CRTC3: variants seen among roughly 807,000 people sequenced by gnomAD.
The protein encoded by CRTC3 is CREB regulated transcription coactivator 3.
CRTC3 carries 26 observed loss-of-function variants against 74.5 expected under a neutral mutation model. The observed-to-expected ratio is 0.35, with a 90% CI of 0.26 to 0.48. The LOEUF is 0.48. Ranked by LOEUF, CRTC3 falls within the 20% of genes least tolerant of loss-of-function variation. The pLI is 0.99. For missense variants in CRTC3, 760 were observed against 787.3 expected (o/e 0.97, Z 0.41); for synonymous variants, 377 against 325.8 (o/e 1.16, Z -1.69).
At position 90,530,139 on chromosome 15, in the gene CRTC3, C is replaced by G; in HGVS notation, c.68C>G (p.Thr23Arg). 1 of 1,455,580 alleles carries G rather than the reference C, an allele frequency of 6.9e-7. No homozygotes were observed. Among genetic ancestry groups the G allele is most frequent in the Non-Finnish European group, 9.2e-7 (1 of 1,088,840 alleles). 90.2% of individuals were successfully genotyped at this position (1,455,580 alleles called of 1,614,324 possible). ...RKFSEKIALH[T>R]QRQAEETRAF... ...TTCAGTGAGAAGATCGCGCTGCACACGCAGAGACAGGCCGAGGAGACGCGG... is the reference window on the plus strand; with the variant it reads ...TTCAGTGAGAAGATCGCGCTGCACAGGCAGAGACAGGCCGAGGAGACGCGG... The change falls in exon 1 of 15, where the codon ACG becomes AGG. Residue 23 changes from threonine to arginine, a missense_variant. Thr to Arg is a moderately conservative substitution (Grantham distance 71). This residue lies in a region of CRTC3 where 108 missense variants were observed against 152.1 expected (regional missense o/e 0.71). Coordinates refer to ENST00000268184, the MANE Select transcript of CRTC3 (RefSeq NM_022769.5). This position sits in a 1 kb window ranked among gnomAD's most constrained non-coding sequence, Gnocchi z 6.2.
intron 6 of CRTC3, among the ~76,000 whole-genome samples, chr15:90,611,280 G>T (rs902873534): frequency 1.3e-5 from 2 of 151,988 alleles, no homozygotes; most frequent in African/African-American, 4.8e-5. Context: ...TTTTAGATTT[G>T]CCAGGCATGG....
chr15:90,552,377 T>G (rs1300085996), intron 2 of CRTC3, among the ~76,000 whole-genome samples: 1 of 152,072 alleles, frequency 6.6e-6, no homozygotes, highest in Non-Finnish European at 1.5e-5. Context: ...GATCAGAGAG[T>G]CTCCACAGAG....
At position 90,643,176 on chromosome 15, in the gene CRTC3, G is replaced by A. The variant is rs1180124848; in HGVS notation, c.*1036G>A. On this transcript the variant is annotated 3_prime_UTR_variant, in exon 15 of 15. Coordinates refer to ENST00000268184, the MANE Select transcript of CRTC3 (RefSeq NM_022769.5). ...CTAACACGTGCGTGGCAGCACAGTCGTGTGCTGGAGTGAGTGCTGCAGAAC... is the reference window on the plus strand; with the variant it reads ...CTAACACGTGCGTGGCAGCACAGTCATGTGCTGGAGTGAGTGCTGCAGAAC... 4.7e-5 allele frequency: 11 copies of A among 232,278 alleles called. 1 individual carries two copies. The highest frequency in any genetic ancestry group is 1.8e-4 in the East Asian group (3 of 16,492). The allele number at this position is 232,278 out of a possible 1,614,324, so 14.4% of individuals were successfully genotyped here.
In CRTC3 at chr15:90,642,702, A is replaced by G. The variant is rs1969494080; in HGVS notation, c.*562A>G. The G allele has an allele frequency of 4.3e-6, 1 of 231,934 alleles. No homozygotes were observed. The highest frequency in any genetic ancestry group is 8.5e-6 in the Non-Finnish European group (1 of 117,210). The allele number at this position is 231,934 out of a possible 1,614,324, so 14.4% of individuals were successfully genotyped here. A position where few individuals can be genotyped will look rare whatever the true frequency, so the allele number is the denominator to read the frequency against. ...TGGATTACGACATGAAGTTTTTACC[A>G]CAAGCCCGAGGGCAGGCTTGAGTTA... On this transcript the variant is annotated 3_prime_UTR_variant, in exon 15 of 15. Coordinates refer to ENST00000268184, the MANE Select transcript of CRTC3 (RefSeq NM_022769.5).
rs1308265762 is a variant in CRTC3 at position 90,638,204 on chromosome 15, C to G, written c.1267-242C>G. 9.1e-6 allele frequency: 4 copies of G among 440,672 alleles called. No individual in the cohort carries two copies. The East Asian group carries it at 1.1e-4, about 12-fold the overall frequency. 27.3% of individuals were successfully genotyped at this position (440,672 alleles called of 1,614,324 possible). ...ACTGAAAGGAAATTGGTTAAATTGG[C>G]TGTTTTCTTGTTTAGTTCTTTTAAG... On this transcript the variant is annotated intron_variant, in intron 11 of 14. Transcript: ENST00000268184.
intron 2 of CRTC3, among the ~76,000 whole-genome samples, chr15:90,580,247 G>A (rs1967505217): frequency 6.6e-6 from 1 of 152,042 alleles, no homozygotes; most frequent in African/African-American, 2.4e-5. Context: ...GGTTCTCAAA[G>A]GTTCAGCACT....
chr15:90,544,371 A>G (rs534487624), intron 2 of CRTC3, among the ~76,000 whole-genome samples: 82 of 152,352 alleles, frequency 5.4e-4, no homozygotes, highest in African/African-American at 1.6e-3. Flanking sequence ...TTACATCTGC[A>G]AAGATTCTGT....
chr15:90,603,159 C>A (rs901020085), intron 4 of CRTC3, among the ~76,000 whole-genome samples: 3 of 151,748 alleles, frequency 2.0e-5, no homozygotes, highest in Non-Finnish European at 4.4e-5. Context: ...AAATAAGCAT[C>A]TTGGCCAGGC....
intron 5 of CRTC3, among the ~76,000 whole-genome samples, chr15:90,605,072 G>A (rs909442948): frequency 6.6e-5 from 10 of 151,922 alleles, no homozygotes; most frequent in African/African-American, 2.4e-4. Flanking sequence ...GCCAGCCTGG[G>A]CAAGATGGTG....
intron 13 of CRTC3, among the ~76,000 whole-genome samples, chr15:90,639,038 G>A (rs1308986758): frequency 2.6e-5 from 4 of 152,142 alleles, no homozygotes; most frequent in Non-Finnish European, 5.9e-5. Flanking sequence ...TGGAACAATC[G>A]GCAGGAGACT....
chr15:90,629,638 A>G, intron 11 of CRTC3, 106 bp downstream of exon 11: 13 of 1,106,090 alleles, frequency 1.2e-5, no homozygotes, highest in Non-Finnish European at 1.7e-5. Flanking sequence ...TATTACACCA[A>G]GCACCCATGA....
intron 9 of CRTC3, among the ~76,000 whole-genome samples, chr15:90,622,299 C>T (rs1968678379): frequency 6.6e-6 from 1 of 152,160 alleles, no homozygotes; most frequent in South Asian, 2.1e-4. Context: ...CTCCCAGCTG[C>T]AGAGGAATTG....
chr15:90,557,797 TCAC>T (rs1217204894), intron 2 of CRTC3, among the ~76,000 whole-genome samples: 71 of 152,264 alleles, frequency 4.7e-4, no homozygotes, highest in Non-Finnish European at 8.8e-5. Context: ...TGGCCTCAAG[TCAC>T]CATTGCTGGC....
At chr15:90,531,400 C>G (rs1230842552) in intron 1 of CRTC3, among the ~76,000 whole-genome samples, 1 of 152,100 alleles carries the variant, frequency 6.6e-6, no homozygotes, top group African/African-American at 2.4e-5. Context: ...CTCTAGTTTG[C>G]CACCGTCCAC....
intron 5 of CRTC3, among the ~76,000 whole-genome samples, chr15:90,605,264 A>T (rs1356621835): frequency 3.9e-5 from 6 of 152,196 alleles, no homozygotes; most frequent in African/African-American, 1.4e-4. Context: ...AATAAAAAAG[A>T]AACCCGATGA....
chr15:90,554,186 G>A (rs931225649), intron 2 of CRTC3, among the ~76,000 whole-genome samples: 1 of 151,862 alleles, frequency 6.6e-6, no homozygotes, highest in Non-Finnish European at 1.5e-5. Context: ...CACAAGGCAA[G>A]CACATTAGAG....
rs1596131124 is a variant in CRTC3 at position 90,619,921 on chromosome 15, C to G, written c.749+131C>G. Reference sequence around the variant, plus strand: ...ATAAATTGAAAGTCAACTGCATTTTCATAAAAACAGCCACTCTCTTTTGAT... The same window carrying G: ...ATAAATTGAAAGTCAACTGCATTTTGATAAAAACAGCCACTCTCTTTTGAT... On this transcript the variant is annotated intron_variant, in intron 9 of 14. Coordinates refer to ENST00000268184, the MANE Select transcript of CRTC3 (RefSeq NM_022769.5). The G allele has an allele frequency of 4.2e-6, 3 of 705,984 alleles. No individual in the cohort carries two copies. The African/African-American group carries it at 5.4e-5, about 13-fold the overall frequency. 43.7% of individuals were successfully genotyped at this position (705,984 alleles called of 1,614,324 possible).
intron 2 of CRTC3, among the ~76,000 whole-genome samples, chr15:90,546,862 AT>A (rs1966845139): frequency 6.6e-6 from 1 of 152,116 alleles, no homozygotes; most frequent in African/African-American, 2.4e-5. Flanking sequence ...TGACCTCGTG[AT>A]CCACCCGCCT....
At chr15:90,591,796 CAAAAA>C (rs1242742794) in intron 2 of CRTC3, among the ~76,000 whole-genome samples, 1 of 151,756 alleles carries the variant, frequency 6.6e-6, no homozygotes, top group Non-Finnish European at 1.5e-5. Context: ...GACCCTGTCT[CAAAAA>C]AAAGAGATCC....
Sources: gnomAD v4.1 joint callset for allele counts (sites outside exome capture counted in the v4.1 genomes callset) on GRCh38, gnomAD v4.1.1 for gene constraint, gnomAD v4.1.1 regional missense constraint, Gnocchi (gnomAD v3.1) non-coding constraint, MANE v1.5 for transcripts, NCBI Gene and HGNC (gene_info 2026-07-23, HGNC 2026-07-21) for gene names.